Variants in ROBO2 observed in about 807,000 individuals in gnomAD.
ROBO2 encodes the protein roundabout guidance receptor 2, also known as roundabout homolog 2.
Under a neutral mutation model 160.8 loss-of-function variants are expected in ROBO2, and 53 were observed. The ratio of observed to expected loss-of-function variants is 0.33; its 90% CI spans 0.26 to 0.41. The LOEUF (loss-of-function observed/expected upper bound fraction) is 0.41. ROBO2 is among the 10% of genes least tolerant of loss of function. ROBO2 has a pLI of 1.00. For synonymous variants in ROBO2, 664 were observed against 611.7 expected (o/e 1.09, Z -1.26); for missense variants, 1,577 against 1,722.4 (o/e 0.92, Z 1.49).
rs1018025773 is a variant in ROBO2 at position 77,040,526 on chromosome 3, G to A, written c.-260G>A. The A allele has an allele frequency of 3.7e-6, 5 of 1,366,586 alleles. No individual in the cohort carries two copies. Among genetic ancestry groups the A allele is most frequent in the Middle Eastern group, 2.8e-4 (1 of 3,548 alleles). 84.7% of individuals were successfully genotyped at this position (1,366,586 alleles called of 1,614,324 possible). A position where few individuals can be genotyped will look rare whatever the true frequency, so the allele number is the denominator to read the frequency against. On this transcript the variant is annotated 5_prime_UTR_variant, in exon 1 of 26. The change creates a new upstream start codon in the 5' untranslated region. Transcript: ENST00000461745. Reference sequence around the variant, plus strand: ...TAATCCCTCTGGCTGGGCTGAATTTGTGGGAATTTAGGAAGCCAGAGTGCT... The same window carrying A: ...TAATCCCTCTGGCTGGGCTGAATTTATGGGAATTTAGGAAGCCAGAGTGCT...
At chr3:77,380,665 C>T (rs2073324249) in intron 2 of ROBO2, among the ~76,000 whole-genome samples, 2 of 150,560 alleles carry the variant, frequency 1.3e-5, no homozygotes, top group Admixed American at 6.6e-5. Flanking sequence ...TCTTCCCTCC[C>T]TCCCTCTCTC....
intron 2 of ROBO2, among the ~76,000 whole-genome samples, chr3:76,597,428 A>G (rs543299944): frequency 1.3e-5 from 2 of 152,258 alleles, no homozygotes; most frequent in East Asian, 3.9e-4. Flanking sequence ...CAAACTAAAA[A>G]ACAAAAAATG....
intron 2 of ROBO2, among the ~76,000 whole-genome samples, chr3:76,039,854 A>AG (rs1160336513): frequency 6.6e-6 from 1 of 152,120 alleles, no homozygotes. Context: ...GCCTGGCTCA[A>AG]ATTAATCAGT....
intron 2 of ROBO2, among the ~76,000 whole-genome samples, chr3:76,068,808 A>G (rs2068347476): frequency 6.6e-6 from 1 of 152,086 alleles, no homozygotes; most frequent in Admixed American, 6.5e-5. Flanking sequence ...GCCAAGGCCA[A>G]CATTGATCTC....
At chr3:76,899,283 T>A (rs528945734) in intron 2 of ROBO2, among the ~76,000 whole-genome samples, 9 of 152,202 alleles carry the variant, frequency 5.9e-5, no homozygotes, top group South Asian at 2.1e-4. Context: ...GCTTAAAAAA[T>A]TAAAAATTTA....
At chr3:77,529,564 A>C (rs2050320863) in intron 6 of ROBO2, among the ~76,000 whole-genome samples, 1 of 151,830 alleles carries the variant, frequency 6.6e-6, no homozygotes, top group African/African-American at 2.4e-5. Context: ...AATTTCCAAT[A>C]TATTTAAAAT....
chr3:77,387,109 A>G (rs113421146), intron 2 of ROBO2, among the ~76,000 whole-genome samples: 21 of 152,018 alleles, frequency 1.4e-4, no homozygotes, highest in African/African-American at 4.6e-4. Flanking sequence ...AAATCTTGGA[A>G]GCAAGTAGTG....
intron 2 of ROBO2, among the ~76,000 whole-genome samples, chr3:76,194,278 G>A (rs553736735): frequency 7.1e-6 from 1 of 140,926 alleles, no homozygotes; most frequent in East Asian, 2.0e-4. Context: ...ACATATTTTA[G>A]TTTTTGAGAT....
chr3:76,958,184 G>T (rs1003976816), intron 2 of ROBO2, among the ~76,000 whole-genome samples: 6 of 152,186 alleles, frequency 3.9e-5, no homozygotes, highest in African/African-American at 1.4e-4. Context: ...GCAAGCTAAG[G>T]TCTTCAGAGC....
At chr3:76,957,668 T>TAA (rs1284632451) in intron 2 of ROBO2, among the ~76,000 whole-genome samples, 1 of 151,772 alleles carries the variant, frequency 6.6e-6, no homozygotes, top group African/African-American at 2.4e-5. Context: ...CCGTCTCTAC[T>TAA]AAAAATACAA....
chr3:77,120,135 A>T (rs2074603716), intron 2 of ROBO2, among the ~76,000 whole-genome samples: 1 of 152,198 alleles, frequency 6.6e-6, no homozygotes, highest in Non-Finnish European at 1.5e-5. Flanking sequence ...TAGCATCATG[A>T]TGACCGATAA....
chr3:77,346,165 CTG>C (rs1400784646), intron 2 of ROBO2, among the ~76,000 whole-genome samples: 1 of 152,116 alleles, frequency 6.6e-6, no homozygotes, highest in Non-Finnish European at 1.5e-5. Context: ...AGTAATGATT[CTG>C]TAACTCTCAA....
At chr3:77,627,162 G>A (rs544534984) in intron 23 of ROBO2, among the ~76,000 whole-genome samples, 16 of 152,042 alleles carry the variant, frequency 1.1e-4, no homozygotes, top group Non-Finnish European at 2.1e-4. Flanking sequence ...AGGGGAAGTG[G>A]GATATTACAC....
intron 2 of ROBO2, among the ~76,000 whole-genome samples, chr3:76,767,435 AG>A (rs2061635434): frequency 6.6e-6 from 1 of 151,672 alleles, no homozygotes; most frequent in African/African-American, 2.4e-5. Context: ...GATTTAAAGT[AG>A]GCATCATGTA....
intron 2 of ROBO2, among the ~76,000 whole-genome samples, chr3:76,655,439 C>CATATATATATATATAT (rs747521584): frequency 0.022 from 1,288 of 57,736 alleles, 134 homozygotes; most frequent in African/African-American, 0.061. Flanking sequence ...GATTTTTTTC[C>CATATATATATATATAT]ATATATATAT....
Position 76,961,247 on chromosome 3 carries a change from GAAAAAA to G in ROBO2, c.110-136751_110-136746del, listed in dbSNP as rs371889909. Among the ~76,000 whole-genome samples, 22 of 54,450 alleles carry G rather than the reference GAAAAAA, an allele frequency of 4.0e-4. No individual in the cohort carries two copies. The South Asian group carries it at 0.011, about 26-fold the overall frequency. The allele number at this position is 54,450 out of a possible 152,430, so 35.7% of individuals were successfully genotyped here. On this transcript the variant is annotated intron_variant, in intron 2 of 26. Coordinates refer to the ROBO2 transcript ENST00000487694. ...ATTTGCTATGCTAATGTGCCACAGAGAAAAAAAAAAAAAAAAAAAAACACTAGTTTA... is the reference window on the plus strand; with the variant it reads ...ATTTGCTATGCTAATGTGCCACAGAGAAAAAAAAAAAAAAACACTAGTTTA...
intron 1 of ROBO2, among the ~76,000 whole-genome samples, chr3:75,924,077 TG>T (rs1278835755): frequency 6.6e-6 from 1 of 152,232 alleles, no homozygotes; most frequent in Non-Finnish European, 1.5e-5. Flanking sequence ...ATTATTTCCT[TG>T]CCATAGGTAA....
intron 1 of ROBO2, among the ~76,000 whole-genome samples, chr3:75,931,867 A>G (rs1479173933): frequency 1.3e-5 from 2 of 152,070 alleles, no homozygotes; most frequent in South Asian, 4.1e-4. Flanking sequence ...CTAGGAGTAC[A>G]GGACTATGGC....
chr3:77,053,546 G>T (rs1301014286), intron 1 of ROBO2, among the ~76,000 whole-genome samples: 1 of 152,080 alleles, frequency 6.6e-6, no homozygotes, highest in Non-Finnish European at 1.5e-5. Context: ...AAAATGTAAC[G>T]ATTTGGTGGG....
Sources: allele counts gnomAD v4.1 joint callset (sites outside exome capture counted in the v4.1 genomes callset), GRCh38; gene constraint gnomAD v4.1.1; transcripts MANE v1.5; gene names NCBI Gene and HGNC (gene_info 2026-07-23, HGNC 2026-07-21).